The following GABRE variants were observed in gnomAD, a reference collection of about 807,000 sequenced individuals.
The protein encoded by GABRE is gamma-aminobutyric acid type A receptor subunit epsilon, also known as gamma-aminobutyric acid receptor subunit epsilon.
GABRE carries 20 observed loss-of-function variants against 31.0 expected under a neutral mutation model. The observed-to-expected ratio is 0.64, with a 90% CI of 0.45 to 0.94. The LOEUF is 0.94. Ranked by LOEUF, GABRE falls within the 40% of genes least tolerant of loss-of-function variation. GABRE has a pLI of 0.00. For synonymous variants in GABRE, 155 were observed against 150.6 expected, an observed-to-expected ratio of 1.03 and a Z score of -0.21; for missense variants, 420 against 410.7, an observed-to-expected ratio of 1.02 and a Z score of -0.20.
At position 151,953,506 on chromosome X, in the gene GABRE, T is replaced by C. The variant is rs1207794935; in HGVS notation, c.*1195A>G. 8.9e-6 allele frequency: 1 copy of C among 112,002 alleles called. No individual in the cohort carries two copies. The highest frequency in any genetic ancestry group is 2.8e-4 in the East Asian group (1 of 3,525). The allele number at this position is 112,002 out of a possible 1,213,427, so 9.2% of individuals were successfully genotyped here. On this transcript the variant is annotated 3_prime_UTR_variant, in exon 9 of 9. Transcript: ENST00000370328. Reference sequence around the variant, plus strand: ...AGTGAGATCCACAGTCCCACAGAAATCTGTGACTCAGGGTTTTCATCTGCA... The same window carrying C: ...AGTGAGATCCACAGTCCCACAGAAACCTGTGACTCAGGGTTTTCATCTGCA...
intron 1 of GABRE, among the ~76,000 whole-genome samples, chrX:151,973,471 G>A (rs1381418943): frequency 9.0e-6 from 1 of 111,154 alleles, no homozygotes; most frequent in Non-Finnish European, 1.9e-5. Context: ...GCACCAGTGA[G>A]CCAGCAAGCA....
chrX:151,959,799 AC>A, intron 6 of GABRE, 39 bp downstream of exon 6: 1 of 1,195,522 alleles, frequency 8.4e-7, no homozygotes, highest in Admixed American at 2.2e-5. Context: ...AATCATCCCT[AC>A]CACCTTCCTG....
intron 6 of GABRE, chrX:151,959,115 C>T: frequency 6.3e-6 from 2 of 318,972 alleles, no homozygotes; most frequent in South Asian, 5.4e-5. Flanking sequence ...TGGGAGCTAC[C>T]CTGGGGAGGT....
At chrX:151,969,206 T>C (rs1395042390) in intron 3 of GABRE, among the ~76,000 whole-genome samples, 1 of 110,903 alleles carries the variant, frequency 9.0e-6, no homozygotes, top group East Asian at 2.8e-4. Flanking sequence ...GGAGGCCAAC[T>C]TAGTAGGTGG....
At chrX:151,962,177 G>A (rs954168344) in intron 4 of GABRE, among the ~76,000 whole-genome samples, 6 of 111,918 alleles carry the variant, frequency 5.4e-5, no homozygotes, top group African/African-American at 1.3e-4. Flanking sequence ...CTCTGGACTC[G>A]GAGCCAAGTA....
chrX:151,973,904 G>C (rs1934802693), intron 1 of GABRE, among the ~76,000 whole-genome samples: 2 of 111,141 alleles, frequency 1.8e-5, no homozygotes, highest in African/African-American at 3.3e-5. Flanking sequence ...CTAGGGATGA[G>C]TTAAGGAAGT....
chrX:151,957,740 A>G (rs755813339), intron 6 of GABRE: 192 of 234,975 alleles, frequency 8.2e-4, no homozygotes, highest in Middle Eastern at 7.5e-3. Flanking sequence ...GGAAAACAAT[A>G]TATCTGGGGC....
intron 1 of GABRE, among the ~76,000 whole-genome samples, chrX:151,974,135 A>G (rs777468809): frequency 3.2e-4 from 36 of 111,226 alleles, no homozygotes; most frequent in African/African-American, 1.0e-3. Flanking sequence ...TGGCGCAGCT[A>G]AGCTCCCTCA....
In GABRE at chrX:151,970,388, T is replaced by G; in HGVS notation, c.71A>C (p.Gln24Pro). The G allele has an allele frequency of 8.3e-7, 1 of 1,210,924 alleles. No homozygotes were observed. Among genetic ancestry groups the G allele is most frequent in the Non-Finnish European group, 1.1e-6 (1 of 895,429 alleles). Residue 24 changes from glutamine (Q) to proline (P), a missense_variant, in exon 2 of 9, where the codon CAG becomes CCG. Physicochemically the swap from Gln to Pro is moderately conservative, Grantham distance 76. Transcript: ENST00000370328. ...LILQSRVEGP[Q>P]TESKNEASSR... ...AGAGGCTTCATTCTTTGATTCAGTC[T>G]GAGGTCCCTCGACCCTAGAACATTC...
intron 4 of GABRE, 132 bp from the exon 5 acceptor site, chrX:151,961,497 A>G: frequency 2.2e-6 from 1 of 458,026 alleles, no homozygotes; most frequent in Non-Finnish European, 3.8e-6. Context: ...ACAGAGTCTC[A>G]CTCTGTCACC....
chrX:151,958,664 C>A, intron 6 of GABRE: 1 of 368,911 alleles, frequency 2.7e-6, no homozygotes. Context: ...AGCCCCTGGG[C>A]CTTATCTTCT....
Position 151,954,393 on chromosome X carries a change from T to G in GABRE, c.*308A>C. The G allele has an allele frequency of 4.2e-6, 1 of 236,828 alleles. No individual in the cohort carries two copies. 19.5% of individuals were successfully genotyped at this position (236,828 alleles called of 1,213,427 possible). A position where few individuals can be genotyped will look rare whatever the true frequency, so the allele number is the denominator to read the frequency against. On this transcript the variant is annotated 3_prime_UTR_variant, in exon 9 of 9. Transcript: ENST00000370328. ...CTAATCCGCCTGTACTTAGGCATGG[T>G]TTTAGGGAGCTGATCACTAAGTGGC...
intron 1 of GABRE, among the ~76,000 whole-genome samples, chrX:151,974,179 GC>G (rs1010530095): frequency 4.5e-5 from 5 of 111,511 alleles, no homozygotes; most frequent in South Asian, 3.8e-4. Context: ...TGCACCTCCG[GC>G]CCCCCCAGTA....
rs759950431 is a variant in GABRE at position 151,955,038 on chromosome X, C to T, written c.1184G>A (p.Arg395Gln). ...RAHARTRARS[R>Q]ACARQHQEAF... ...TTCCTGATGTTGGCGGGCACAGGCT[C>T]GGGAACGTGCACGGGTACGGGCATG... The change falls in exon 9 of 9, where the codon CGA becomes CAA. Residue 395 changes from arginine to glutamine, a missense_variant. By Grantham distance (43) the Arg-to-Gln change is conservative. Transcript: ENST00000370328. 2.8e-5 allele frequency: 34 copies of T among 1,200,585 alleles called. No individual in the cohort carries two copies. The highest frequency in any genetic ancestry group is 1.2e-4 in the African/African-American group (7 of 56,935).
chrX:151,963,235 C>G (rs375855526), intron 3 of GABRE, among the ~76,000 whole-genome samples: 1 of 112,270 alleles, frequency 8.9e-6, no homozygotes. Context: ...TCAGAGCCAA[C>G]ATTGAATCAA....
Position 151,974,506 on chromosome X carries a change from T to C in GABRE, c.56+64A>G, listed in dbSNP as rs1240734570. On this transcript the variant is annotated intron_variant, in intron 1 of 8. Transcript: ENST00000370328. The stretch of plus-strand genomic sequence containing the variant: ...GGGGCCGCTGGGGTCCCGGGAGCCG[T>C]CCCGGCTCCCGGGGAGAGGGAGCTG... 3 of 721,388 alleles carry C rather than the reference T, an allele frequency of 4.2e-6. No individual in the cohort carries two copies. The East Asian group carries it at 1.8e-4, about 42-fold the overall frequency. 59.5% of individuals were successfully genotyped at this position (721,388 alleles called of 1,213,427 possible). A position where few individuals can be genotyped will look rare whatever the true frequency, so the allele number is the denominator to read the frequency against.
chrX:151,968,970 G>C (rs1475638011), intron 3 of GABRE, among the ~76,000 whole-genome samples: 1 of 112,354 alleles, frequency 8.9e-6, no homozygotes, highest in Non-Finnish European at 1.9e-5. Context: ...GTCTGAGCTA[G>C]ATACTGAAAA....
chrX:151,954,418 C>G lies in GABRE; in HGVS notation c.*283G>C. 1 of 282,156 alleles carries G rather than the reference C, an allele frequency of 3.5e-6. No homozygotes were observed. The highest frequency in any genetic ancestry group is 6.2e-6 in the Non-Finnish European group (1 of 161,072). The allele number at this position is 282,156 out of a possible 1,213,427, so 23.3% of individuals were successfully genotyped here. A position where few individuals can be genotyped will look rare whatever the true frequency, so the allele number is the denominator to read the frequency against. On this transcript the variant is annotated 3_prime_UTR_variant, in exon 9 of 9. Coordinates refer to ENST00000370328, the MANE Select transcript of GABRE (RefSeq NM_004961.4). ...TTTTAGGGAGCTGATCACTAAGTGG[C>G]TGTGGTTTTGAACACTGAGCATCAC...
intron 3 of GABRE, among the ~76,000 whole-genome samples, chrX:151,966,694 T>G (rs1934534600): frequency 8.9e-6 from 1 of 112,161 alleles, no homozygotes; most frequent in Non-Finnish European, 1.9e-5. Context: ...CCCACAGCTT[T>G]AAAGAACTAT....
Sources: gnomAD v4.1 joint callset for allele counts (sites outside exome capture counted in the v4.1 genomes callset) on GRCh38, gnomAD v4.1.1 for gene constraint, MANE v1.5 for transcripts, NCBI Gene and HGNC (gene_info 2026-07-23, HGNC 2026-07-21) for gene names.